Variants in DCC observed in about 807,000 individuals in gnomAD.
DCC encodes the protein DCC netrin 1 receptor.
A neutral mutation model predicts 172.5 loss-of-function variants in DCC; 58 were observed. The observed-to-expected ratio is 0.34, with a 90% CI of 0.27 to 0.42. DCC has a LOEUF of 0.42. Among genes scored for constraint, DCC ranks in the 10% least tolerant of loss-of-function variants. DCC has a pLI of 1.00. For synonymous variants in DCC, 709 were observed against 644.5 expected, an observed-to-expected ratio of 1.10 and a Z score of -1.52; for missense variants, 1,740 against 1,791.0, an observed-to-expected ratio of 0.97 and a Z score of 0.51.
At chr18:53,378,635 C>T (rs541341443) in intron 15 of DCC, among the ~76,000 whole-genome samples, 1 of 152,178 alleles carries the variant, frequency 6.6e-6, no homozygotes, top group Admixed American at 6.5e-5. Context: ...ATACATTCAG[C>T]AATTCAACAA....
At chr18:53,164,530 A>C in intron 8 of DCC, among the ~76,000 whole-genome samples, 1 of 152,274 alleles carries the variant, frequency 6.6e-6, no homozygotes, top group Middle Eastern at 3.4e-3. Flanking sequence ...GTGGAATTGA[A>C]CCACCTGGGT....
intron 9 of DCC, among the ~76,000 whole-genome samples, chr18:53,203,862 T>G (rs80270462): frequency 6.6e-6 from 1 of 152,194 alleles, no homozygotes; most frequent in Admixed American, 6.5e-5. Context: ...AACCATAGTG[T>G]GGCCATTGCA....
chr18:52,516,421 G>C (rs1343987861), intron 1 of DCC, among the ~76,000 whole-genome samples: 4 of 152,188 alleles, frequency 2.6e-5, no homozygotes, highest in Non-Finnish European at 5.9e-5. Context: ...CTCTGAATAA[G>C]ATTGGTGGGC....
At chr18:53,116,961 A>C (rs1420764730) in intron 7 of DCC, among the ~76,000 whole-genome samples, 2 of 151,728 alleles carry the variant, frequency 1.3e-5, no homozygotes, top group Admixed American at 6.6e-5. Flanking sequence ...TTAGATTTTC[A>C]ACCAGCCCAT....
intron 1 of DCC, among the ~76,000 whole-genome samples, chr18:52,539,622 C>T (rs1249662894): frequency 1.3e-5 from 2 of 152,174 alleles, no homozygotes; most frequent in Non-Finnish European, 2.9e-5. Context: ...AATCCATGCC[C>T]CCGGCCCATC....
chr18:53,379,569 A>G (rs1353160827), intron 15 of DCC, among the ~76,000 whole-genome samples: 2 of 152,134 alleles, frequency 1.3e-5, no homozygotes, highest in African/African-American at 4.8e-5. Flanking sequence ...TCTTAGAATA[A>G]TGGGTCTCTC....
intron 1 of DCC, among the ~76,000 whole-genome samples, chr18:52,566,566 GT>G (rs1568232427): frequency 6.6e-6 from 1 of 152,020 alleles, no homozygotes; most frequent in Admixed American, 6.6e-5. Flanking sequence ...CCCAGGTCAC[GT>G]TGCAAACCAC....
intron 7 of DCC, among the ~76,000 whole-genome samples, chr18:53,109,616 C>A (rs2043301429): frequency 8.0e-6 from 1 of 125,622 alleles, no homozygotes; most frequent in African/African-American, 2.9e-5. Flanking sequence ...TTCCTTCTTT[C>A]CTTAGCTGGT....
intron 1 of DCC, among the ~76,000 whole-genome samples, chr18:52,648,587 A>G (rs1227982090): frequency 6.6e-6 from 1 of 152,216 alleles, no homozygotes; most frequent in African/African-American, 2.4e-5. Context: ...CATCAGTCCT[A>G]AGACTGTTAG....
intron 9 of DCC, among the ~76,000 whole-genome samples, chr18:53,202,974 A>G (rs1311932044): frequency 6.6e-6 from 1 of 152,158 alleles, no homozygotes; most frequent in African/African-American, 2.4e-5. Context: ...ACCTGACCCT[A>G]AACTGGATCC....
intron 1 of DCC, among the ~76,000 whole-genome samples, chr18:52,749,273 C>A (rs181705531): frequency 2.1e-4 from 32 of 152,306 alleles, no homozygotes; most frequent in Non-Finnish European, 3.4e-4. Flanking sequence ...AGTTCTCACT[C>A]TGGTCACAGA....
chr18:52,986,965 G>A (rs1224431612), intron 5 of DCC, among the ~76,000 whole-genome samples: 1 of 152,066 alleles, frequency 6.6e-6, no homozygotes, highest in Non-Finnish European at 1.5e-5. Flanking sequence ...TGGGATTACA[G>A]GCGCACACCA....
At chr18:52,753,815 C>A (rs1446123745) in intron 2 of DCC, among the ~76,000 whole-genome samples, 2 of 152,274 alleles carry the variant, frequency 1.3e-5, no homozygotes, top group Admixed American at 1.3e-4. Context: ...ATAATTATTT[C>A]TGTTGGCCCC....
At chr18:52,880,498 C>A (rs536958883) in intron 2 of DCC, among the ~76,000 whole-genome samples, 7 of 152,244 alleles carry the variant, frequency 4.6e-5, no homozygotes, top group African/African-American at 1.7e-4. Context: ...ATCCCCACTT[C>A]CCCCTGAAAC....
chr18:53,516,391 C>G (rs1245540981), intron 27 of DCC, among the ~76,000 whole-genome samples: 3 of 145,960 alleles, frequency 2.1e-5, no homozygotes, highest in Admixed American at 6.6e-5. Context: ...TAGGCATGGG[C>G]AAGGACTTCA....
rs1568192226 is a variant in DCC, at chr18:52,927,151, A to ATATACACGTATATACGTG, written c.985+1785_985+1786insCACGTATATACGTGTATA. Among the ~76,000 whole-genome samples the ATATACACGTATATACGTG allele has an allele frequency of 1.2e-4, 7 of 60,268 alleles. 1 individual carries two copies. Among genetic ancestry groups the ATATACACGTATATACGTG allele is most frequent in the African/African-American group, 3.8e-4 (7 of 18,360 alleles). The allele number at this position is 60,268 out of a possible 152,430, so 39.5% of individuals were successfully genotyped here. On this transcript the variant is annotated intron_variant, in intron 5 of 28. Transcript: ENST00000442544. ...CACGTATATACGTGTATATATGTGT[A>ATATACACGTATATACGTG]TATATACGTATATATGTGTATATAT... is the stretch of plus-strand genomic sequence containing the variant.
chr18:53,148,271 C>T lies in DCC; in HGVS notation c.1262-9085C>T, dbSNP rs113227243. Among the ~76,000 whole-genome samples the T allele has an allele frequency of 8.8e-3, 1,333 of 152,086 alleles. 20 individuals carry two copies. The highest frequency in any genetic ancestry group is 0.03 in the African/African-American group (1,253 of 41,462). ...GACAGGATTGCCTGCCAGCCTGGGA[C>T]AAAGCACCATATGGCTGGGATGAGG... is the stretch of plus-strand genomic sequence containing the variant. On this transcript the variant is annotated intron_variant, in intron 7 of 28. Coordinates refer to ENST00000442544, the MANE Select transcript of DCC (RefSeq NM_005215.4).
chr18:52,625,561 C>G (rs2034557952), intron 1 of DCC, among the ~76,000 whole-genome samples: 2 of 152,104 alleles, frequency 1.3e-5, no homozygotes, highest in Admixed American at 1.3e-4. Flanking sequence ...GTTTCTCTCT[C>G]TACTTCATCA....
intron 7 of DCC, among the ~76,000 whole-genome samples, chr18:53,083,145 T>G (rs893302226): frequency 2.6e-5 from 4 of 152,124 alleles, no homozygotes; most frequent in African/African-American, 7.2e-5. Context: ...TCAATACAAT[T>G]TTCTGTTCCC....
Sources: allele counts gnomAD v4.1 joint callset (sites outside exome capture counted in the v4.1 genomes callset), GRCh38; gene constraint gnomAD v4.1.1; transcripts MANE v1.5; gene names NCBI Gene and HGNC (gene_info 2026-07-23, HGNC 2026-07-21).